PCBP2: variants seen among roughly 807,000 people sequenced by gnomAD.
PCBP2 encodes poly(rC) binding protein 2.
Under a neutral mutation model 50.1 loss-of-function variants are expected in PCBP2, and 4 were observed. The observed-to-expected ratio is 0.08, with a 90% CI of 0.04 to 0.18. The LOEUF (loss-of-function observed/expected upper bound fraction) is 0.18. PCBP2 is among the 10% of genes least tolerant of loss of function. The pLI, the probability that PCBP2 is intolerant of heterozygous loss-of-function variation, is 1.00. For missense variants in PCBP2, 161 were observed against 474.3 expected, an observed-to-expected ratio of 0.34 and a Z score of 6.14; for synonymous variants, 179 against 168.0, an observed-to-expected ratio of 1.07 and a Z score of -0.51.
At chr12:53,463,188 T>G (rs1355314099) in intron 8 of PCBP2, among the ~76,000 whole-genome samples, 1 of 152,104 alleles carries the variant, frequency 6.6e-6, no homozygotes, top group East Asian at 1.9e-4. Flanking sequence ...ACCTTTGGTG[T>G]TAGAGTAAGA....
At chr12:53,475,728 T>TAACTG (rs1957625209) in intron 14 of PCBP2, 1 of 152,364 alleles carries the variant, frequency 6.6e-6, no homozygotes, top group South Asian at 2.1e-4. Context: ...GAAGCCTGTA[T>TAACTG]AACTGACATG....
Position 53,467,859 on chromosome 12 carries a change from A to G in PCBP2, c.826+16A>G. The G allele has an allele frequency of 6.3e-7, 1 of 1,592,884 alleles. No homozygotes were observed. The highest frequency in any genetic ancestry group is 8.6e-7 in the Non-Finnish European group (1 of 1,160,886). On this transcript the variant is annotated intron_variant, in intron 12 of 14. Coordinates refer to ENST00000546463, the MANE Select transcript of PCBP2 (RefSeq NM_031989.5). The stretch of plus-strand genomic sequence containing the variant: ...GGCTATTGGGGTAATGATTAAAAAA[A>G]AAAAAATCTGTAGTATTCTACTGTT...
Position 53,454,826 on chromosome 12 carries a change from G to T in PCBP2, c.26G>T (p.Gly9Val). 1 of 1,614,162 alleles carries T rather than the reference G, an allele frequency of 6.2e-7. No homozygotes were observed. The highest frequency in any genetic ancestry group is 8.5e-7 in the Non-Finnish European group (1 of 1,180,006). Reference sequence around the variant, plus strand: ...ATGGACACCGGTGTGATTGAAGGTGGATTAAATGTCACTCTCACCATCCGG... The same window carrying T: ...ATGGACACCGGTGTGATTGAAGGTGTATTAAATGTCACTCTCACCATCCGG... MDTGVIEG[G>V]LNVTLTIRLL... The change falls in exon 2 of 15, where the codon GGA becomes GTA. Residue 9 changes from glycine to valine, a missense_variant. Around this residue, in one of 7 missense-constraint regions of PCBP2, gnomAD observed 11 missense variants for 16.4 expected, o/e 0.67. Transcript: ENST00000546463.
chr12:53,460,482 T>G, intron 6 of PCBP2: 1 of 245,430 alleles, frequency 4.1e-6, no homozygotes, highest in South Asian at 3.5e-5. Context: ...TACGTTGAAT[T>G]ATGGAAGATT....
At chr12:53,458,758 C>T (rs994483411) in intron 5 of PCBP2, among the ~76,000 whole-genome samples, 3 of 151,802 alleles carry the variant, frequency 2.0e-5, no homozygotes, top group African/African-American at 7.3e-5. Flanking sequence ...CCCGCATCAG[C>T]ATCCTGAGTA....
rs200696690 is a variant in PCBP2, at chr12:53,468,755, C to G, written c.827-22C>G. On this transcript the variant is annotated intron_variant, in intron 12 of 14. Transcript: ENST00000546463. Reference sequence around the variant, plus strand: ...TTTTGAATGCTGTGCATTGAATTTGCTTGCTCTCTTCTGTCTTTTAGCAGG... The same window carrying G: ...TTTTGAATGCTGTGCATTGAATTTGGTTGCTCTCTTCTGTCTTTTAGCAGG... 4.8e-5 allele frequency: 76 copies of G among 1,599,430 alleles called. No homozygotes were observed. The East Asian group carries it at 1.3e-3, about 26-fold the overall frequency.
In PCBP2 at chr12:53,471,678, A is replaced by G. The variant is rs772261106; in HGVS notation, c.923A>G (p.Asn308Ser). Residue 308 changes from asparagine (N) to serine (S), a missense_variant, in exon 14 of 15, where the codon AAT (asparagine) becomes AGT (serine). Coordinates refer to ENST00000546463, the MANE Select transcript of PCBP2 (RefSeq NM_031989.5). ...ATCGGGCGTCAAGGCGCCAAAATCAATGAGATCCGTCAGATGTCTGGGGCG... is the reference window on the plus strand; with the variant it reads ...ATCGGGCGTCAAGGCGCCAAAATCAGTGAGATCCGTCAGATGTCTGGGGCG... ...CIIGRQGAKI[N>S]EIRQMSGAQI... is the part of the protein sequence containing the mutation. 2.5e-6 allele frequency: 4 copies of G among 1,613,644 alleles called. No homozygotes were observed. Among genetic ancestry groups the G allele is most frequent in the East Asian group, 4.5e-5 (2 of 44,874 alleles).
At chr12:53,470,759 T>TG (rs1263646796) in intron 13 of PCBP2, among the ~76,000 whole-genome samples, 3 of 150,966 alleles carry the variant, frequency 2.0e-5, no homozygotes, top group East Asian at 1.9e-4. Context: ...TTAACCAGTT[T>TG]TTTTTTTTTT....
At chr12:53,477,665 CAAAAAAAAAAAAAAAAA>C (rs61213286) in intron 14 of PCBP2, among the ~76,000 whole-genome samples, 1 of 52,868 alleles carries the variant, frequency 1.9e-5, no homozygotes, top group Admixed American at 2.2e-4. Flanking sequence ...GACTCTGTCT[CAAAAAAAAAAAAAAAAA>C]AAAAAAAAAA....
chr12:53,452,584 C>T (rs1385559883), intron 1 of PCBP2, among the ~76,000 whole-genome samples: 1 of 151,638 alleles, frequency 6.6e-6, no homozygotes, highest in African/African-American at 2.4e-5. Flanking sequence ...CCTATTCCCC[C>T]CTCCCCCCGC....
At chr12:53,479,123 ACT>A (rs1170175184) in intron 14 of PCBP2, among the ~76,000 whole-genome samples, 5 of 152,070 alleles carry the variant, frequency 3.3e-5, no homozygotes, top group African/African-American at 1.2e-4. Context: ...CAGAAAGTAC[ACT>A]CCTTGGTTAG....
intron 6 of PCBP2, chr12:53,459,683 A>G (rs745429887): frequency 7.5e-6 from 2 of 267,630 alleles, no homozygotes; most frequent in Non-Finnish European, 1.5e-5. Context: ...CCATGAGGCT[A>G]CATAGTTCTT....
At chr12:53,467,348 T>C (rs1941894211) in intron 11 of PCBP2, 55 bp downstream of exon 11, 1 of 1,356,052 alleles carries the variant, frequency 7.4e-7, no homozygotes, top group Non-Finnish European at 1.1e-6. Flanking sequence ...GAGAGGCCAG[T>C]CCCAAGGTCT....
At chr12:53,466,380 G>T (rs577163639) in intron 10 of PCBP2, among the ~76,000 whole-genome samples, 1 of 152,310 alleles carries the variant, frequency 6.6e-6, no homozygotes, top group South Asian at 2.1e-4. Context: ...TCCTCAATCT[G>T]AGATGACAAT....
chr12:53,468,630 C>T, intron 12 of PCBP2, 147 bp from the exon 13 acceptor site: 1 of 671,928 alleles, frequency 1.5e-6, no homozygotes, highest in South Asian at 1.7e-5. Context: ...CCACTCTTTC[C>T]TCTTTGGAGG....
intron 5 of PCBP2, 97 bp downstream of exon 5, chr12:53,456,098 C>G: frequency 2.6e-6 from 2 of 761,572 alleles, no homozygotes; most frequent in Non-Finnish European, 4.6e-6. Flanking sequence ...ACACACTGGA[C>G]CTTGAGACTC....
At chr12:53,473,426 T>C (rs1176861951) in intron 14 of PCBP2, among the ~76,000 whole-genome samples, 1 of 152,198 alleles carries the variant, frequency 6.6e-6, no homozygotes. Flanking sequence ...GCAAGAAGTT[T>C]TCAGTTTTCA....
chr12:53,454,757 A>G lies in PCBP2; in HGVS notation c.-44A>G. ...GCTTTCACCCCCAACCAGTGACCAA[A>G]GACTTGACCACTCAAAGTCCAGCTC... On this transcript the variant is annotated 5_prime_UTR_variant, in exon 2 of 15. Coordinates refer to ENST00000546463, the MANE Select transcript of PCBP2 (RefSeq NM_031989.5). The G allele has an allele frequency of 6.4e-7, 1 of 1,557,640 alleles. No homozygotes were observed.
intron 14 of PCBP2, among the ~76,000 whole-genome samples, chr12:53,472,599 T>C (rs1942315368): frequency 6.6e-6 from 1 of 152,214 alleles, no homozygotes; most frequent in Admixed American, 6.5e-5. Context: ...TTAGGTCTCT[T>C]TTAATAGGGA....
Sources: allele counts gnomAD v4.1 joint callset (sites outside exome capture counted in the v4.1 genomes callset), GRCh38; gene constraint gnomAD v4.1.1; regional missense constraint gnomAD v4.1.1; transcripts MANE v1.5; gene names NCBI Gene and HGNC (gene_info 2026-07-23, HGNC 2026-07-21).